Variants in LINGO1 observed in about 807,000 individuals in gnomAD.
The protein encoded by LINGO1 is leucine-rich repeat and immunoglobulin-like domain-containing nogo receptor-interacting protein 1.
A neutral mutation model predicts 37.3 loss-of-function variants in LINGO1; 11 were observed. The observed-to-expected ratio is 0.29, with a 90% CI of 0.19 to 0.49. The LOEUF (loss-of-function observed/expected upper bound fraction) is 0.49. Among genes scored for constraint, LINGO1 ranks in the 20% least tolerant of loss-of-function variants. The pLI, the probability that LINGO1 is intolerant of heterozygous loss-of-function variation, is 0.99. For missense variants in LINGO1, 585 were observed against 878.2 expected (o/e 0.67, Z 4.22); for synonymous variants, 387 against 403.0 (o/e 0.96, Z 0.48).
chr15:77,659,007 T>C (rs2074928825), intron 3 of LINGO1, among the ~76,000 whole-genome samples: 1 of 152,110 alleles, frequency 6.6e-6, no homozygotes, highest in African/African-American at 2.4e-5. Context: ...AGGTCACAGA[T>C]TGTAGAGAAT....
chr15:77,743,194 A>G (rs1284231239), intron 1 of LINGO1, among the ~76,000 whole-genome samples: 1 of 152,034 alleles, frequency 6.6e-6, no homozygotes, highest in African/African-American at 2.4e-5. Flanking sequence ...CTCACTGAGG[A>G]GTCGTAGGCA....
At chr15:77,667,893 A>T (rs971272684) in intron 3 of LINGO1, 1 of 152,234 alleles carries the variant, frequency 6.6e-6, no homozygotes, top group Non-Finnish European at 1.5e-5. Context: ...TGAAACCAGG[A>T]CCCATTTCCT....
chr15:77,708,675 G>A (rs1437183596), intron 2 of LINGO1, among the ~76,000 whole-genome samples: 3 of 152,178 alleles, frequency 2.0e-5, no homozygotes, highest in Non-Finnish European at 4.4e-5. Flanking sequence ...GACTTTGGGA[G>A]GCCAAGGCAG....
rs371125641 is a variant in LINGO1, at chr15:77,631,419, G to A, written c.6+891C>T. Among the ~76,000 whole-genome samples the A allele has an allele frequency of 2.6e-5, 4 of 152,220 alleles. No individual in the cohort carries two copies. The South Asian group carries it at 6.2e-4, about 24-fold the overall frequency. ...CAAAGAGGAGGTGCAGGCACAGTCA[G>A]GCTGGACCAGGCTGGGCTGCGACCC... is the stretch of plus-strand genomic sequence containing the variant. On this transcript the variant is annotated intron_variant, in intron 1 of 1. Transcript: ENST00000355300.
chr15:77,645,929 G>A (rs1165991074), intron 3 of LINGO1, among the ~76,000 whole-genome samples: 1 of 152,230 alleles, frequency 6.6e-6, no homozygotes, highest in Non-Finnish European at 1.5e-5. Context: ...GGTGCCAGGT[G>A]GCCTCGGTGT....
chr15:77,714,089 T>A (rs976181247), intron 2 of LINGO1, among the ~76,000 whole-genome samples: 1 of 152,152 alleles, frequency 6.6e-6, no homozygotes, highest in Non-Finnish European at 1.5e-5. Flanking sequence ...ATAGGACACC[T>A]CTGCAGAAGG....
chr15:77,669,785 C>T (rs1251055431), intron 3 of LINGO1, among the ~76,000 whole-genome samples: 3 of 152,228 alleles, frequency 2.0e-5, no homozygotes, highest in African/African-American at 7.2e-5. Context: ...GGGCAGAACT[C>T]ACAAACTGGA....
At chr15:77,658,514 C>A (rs143493642) in intron 3 of LINGO1, among the ~76,000 whole-genome samples, 42 of 152,332 alleles carry the variant, frequency 2.8e-4, no homozygotes, top group South Asian at 1.0e-3. Context: ...TCCAGCAGCT[C>A]AAGGCCAGGG....
chr15:77,619,212 G>T (rs1284036159), intron 1 of LINGO1, among the ~76,000 whole-genome samples: 3 of 152,198 alleles, frequency 2.0e-5, no homozygotes, highest in Non-Finnish European at 4.4e-5. Context: ...GGGGCAGAGA[G>T]TATGTCTGTA....
chr15:77,653,683 G>A (rs928159255), intron 3 of LINGO1, among the ~76,000 whole-genome samples: 1 of 152,090 alleles, frequency 6.6e-6, no homozygotes, highest in South Asian at 2.1e-4. Context: ...TGTGCCCCTC[G>A]GGAAGTTGCT....
chr15:77,780,533 A>C (rs553363099), intron 1 of LINGO1, among the ~76,000 whole-genome samples: 1 of 152,058 alleles, frequency 6.6e-6, no homozygotes, highest in South Asian at 2.1e-4. Flanking sequence ...TAAACCAAAT[A>C]GTTTGCAACA....
chr15:77,784,800 G>A (rs2076755323), intron 1 of LINGO1: 1 of 152,070 alleles, frequency 6.6e-6, no homozygotes, highest in Non-Finnish European at 1.5e-5. Context: ...CAGGGAGAAG[G>A]GATCATGGCA....
rs59680666 is a variant in LINGO1 at position 77,810,227 on chromosome 15, T to TACACACACAC, written c.-458+10021_-458+10030dup. 2.8e-5 allele frequency among the ~76,000 whole-genome samples: 4 copies of TACACACACAC among 143,120 alleles called. No individual in the cohort carries two copies. In the South Asian group the frequency reaches 6.9e-4, roughly 25 times the overall value. The allele number at this position is 143,120 out of a possible 152,430, so 93.9% of individuals were successfully genotyped here. On this transcript the variant is annotated intron_variant, in intron 1 of 5. Coordinates refer to the LINGO1 transcript ENST00000562933. ...AAGTAACTAGGCACACACACAAACATACACACACACACACACACACACGCA... is the reference window on the plus strand; with the variant it reads ...AAGTAACTAGGCACACACACAAACATACACACACACACACACACACACACACACACACGCA...
chr15:77,774,274 G>A (rs746321405), intron 1 of LINGO1, among the ~76,000 whole-genome samples: 2 of 151,934 alleles, frequency 1.3e-5, no homozygotes, highest in Non-Finnish European at 2.9e-5. Flanking sequence ...CACTGGCCTC[G>A]CCCAACTGCC....
chr15:77,652,774 G>A (rs546398579), intron 3 of LINGO1, among the ~76,000 whole-genome samples: 1 of 152,186 alleles, frequency 6.6e-6, no homozygotes, highest in African/African-American at 2.4e-5. Context: ...TGCGGGAGGA[G>A]GGAAGGAAAC....
intron 1 of LINGO1, among the ~76,000 whole-genome samples, chr15:77,770,073 G>A (rs1423225506): frequency 1.3e-5 from 2 of 152,114 alleles, no homozygotes; most frequent in African/African-American, 4.8e-5. Flanking sequence ...CATAACTTGG[G>A]GCCTGAGTCC....
intron 1 of LINGO1, among the ~76,000 whole-genome samples, chr15:77,753,569 A>G (rs1169014109): frequency 6.6e-6 from 1 of 152,140 alleles, no homozygotes; most frequent in African/African-American, 2.4e-5. Flanking sequence ...CAGCTGAGAG[A>G]GAGAGTTTAT....
chr15:77,624,059 GGT>G (rs888152257), intron 1 of LINGO1, among the ~76,000 whole-genome samples: 1 of 147,474 alleles, frequency 6.8e-6, no homozygotes, highest in Non-Finnish European at 1.5e-5. Context: ...GTGTGAGTGC[GGT>G]GTGTGAGTGT....
intron 2 of LINGO1, among the ~76,000 whole-genome samples, chr15:77,684,480 G>A (rs1298967936): frequency 6.6e-6 from 1 of 152,226 alleles, no homozygotes; most frequent in Non-Finnish European, 1.5e-5. Context: ...GTACCTGCCA[G>A]GCTCCAAGAC....
Sources: gnomAD v4.1 joint callset for allele counts (sites outside exome capture counted in the v4.1 genomes callset) on GRCh38, gnomAD v4.1.1 for gene constraint, MANE v1.5 for transcripts, NCBI Gene and HGNC (gene_info 2026-07-23, HGNC 2026-07-21) for gene names.